Variants in DYNC2H1 observed in about 807,000 individuals in gnomAD.
DYNC2H1 encodes cytoplasmic dynein 2 heavy chain 1.
DYNC2H1 carries 410 observed loss-of-function variants against 570.0 expected under a neutral mutation model. The observed-to-expected ratio is 0.72, with a 90% CI of 0.66 to 0.78. The LOEUF (loss-of-function observed/expected upper bound fraction) is 0.78, where lower values mean the gene tolerates loss of function less well. DYNC2H1 is among the 30% of genes least tolerant of loss of function. The pLI is 0.00. For synonymous variants in DYNC2H1, 1,688 were observed against 1,677.6 expected, an observed-to-expected ratio of 1.01 and a Z score of -0.15; for missense variants, 4,865 against 5,046.4, an observed-to-expected ratio of 0.96 and a Z score of 1.09.
At chr11:103,364,238 A>G (rs1940788139) in intron 83 of DYNC2H1, among the ~76,000 whole-genome samples, 1 of 152,172 alleles carries the variant, frequency 6.6e-6, no homozygotes, top group South Asian at 2.1e-4. Context: ...ATCTTAATAA[A>G]TTATGAGCAA....
chr11:103,285,478 A>G (rs922619761), intron 73 of DYNC2H1, among the ~76,000 whole-genome samples: 2 of 142,610 alleles, frequency 1.4e-5, no homozygotes, highest in African/African-American at 2.6e-5. Flanking sequence ...GCTGGAGTGC[A>G]GTGGCGTGAT....
intron 78 of DYNC2H1, among the ~76,000 whole-genome samples, chr11:103,309,019 C>G (rs1235631793): frequency 6.6e-6 from 1 of 151,916 alleles, no homozygotes; most frequent in African/African-American, 2.4e-5. Context: ...ATCCTTGTAT[C>G]TCTCTAATAT....
chr11:103,323,997 T>G lies in DYNC2H1; in HGVS notation c.12039+7T>G. ...GCGCATGATCAGTTCTCAGGTAACC[T>G]AAAAAAAAGATCTACCTTCAAAAAA... is the stretch of plus-strand genomic sequence containing the variant. On this transcript the variant is annotated splice_region_variant and intron_variant, in intron 82 of 88. Transcript: ENST00000375735. 1 of 1,564,580 alleles carries G rather than the reference T, an allele frequency of 6.4e-7. No individual in the cohort carries two copies. Among genetic ancestry groups the G allele is most frequent in the Non-Finnish European group, 8.6e-7 (1 of 1,159,870 alleles).
intron 43 of DYNC2H1, 126 bp downstream of exon 43, chr11:103,187,712 C>A: frequency 2.6e-6 from 3 of 1,169,146 alleles, no homozygotes; most frequent in South Asian, 1.6e-5. Context: ...GGAAATTAAA[C>A]TCCTGAAACA....
At chr11:103,374,841 G>A (rs1214511284) in intron 83 of DYNC2H1, among the ~76,000 whole-genome samples, 1 of 152,200 alleles carries the variant, frequency 6.6e-6, no homozygotes, top group Admixed American at 6.5e-5. Flanking sequence ...GTCTGACGAT[G>A]CAGTAGAAAA....
intron 36 of DYNC2H1, among the ~76,000 whole-genome samples, chr11:103,175,565 A>G (rs1861767385): frequency 1.3e-5 from 2 of 152,186 alleles, no homozygotes; most frequent in African/African-American, 2.4e-5. Context: ...GACTTTATGT[A>G]TCTTACCAAT....
At chr11:103,290,702 C>T (rs1425801650) in intron 75 of DYNC2H1, among the ~76,000 whole-genome samples, 1 of 152,102 alleles carries the variant, frequency 6.6e-6, no homozygotes. Context: ...CTCTCTGTTT[C>T]TCCCTTTTTC....
chr11:103,147,834 T>C lies in DYNC2H1; in HGVS notation c.2765T>C (p.Leu922Pro). Reference sequence around the variant, plus strand: ...CCTGTGAAGACTGTGATTGATGATCTCATCCAGAAGTTATTTGATCTGCTT... The same window carrying C: ...CCTGTGAAGACTGTGATTGATGATCCCATCCAGAAGTTATTTGATCTGCTT... The part of the protein sequence containing the change: ...CNPVKTVIDD[L>P]IQKLFDLLVL... The change falls in exon 19 of 89, where the codon CTC becomes CCC. Residue 922 changes from leucine (L) to proline (P), a missense_variant. Leu to Pro is a moderately conservative substitution (Grantham distance 98). This residue lies in a region of DYNC2H1 where 1,936 missense variants were observed against 1,962.1 expected (regional missense o/e 0.99). Transcript: ENST00000375735. 6.2e-7 allele frequency: 1 copy of C among 1,612,112 alleles called. No homozygotes were observed. The highest frequency in any genetic ancestry group is 8.5e-7 in the Non-Finnish European group (1 of 1,179,252).
intron 84 of DYNC2H1, among the ~76,000 whole-genome samples, chr11:103,425,293 G>A (rs1417812892): frequency 6.6e-6 from 1 of 152,092 alleles, no homozygotes; most frequent in Admixed American, 6.6e-5. Flanking sequence ...TAGACTGGGT[G>A]GCTTAAACAT....
At chr11:103,429,519 G>T (rs1204020758) in intron 84 of DYNC2H1, among the ~76,000 whole-genome samples, 1 of 152,032 alleles carries the variant, frequency 6.6e-6, no homozygotes, top group Non-Finnish European at 1.5e-5. Context: ...CTGAACAAAG[G>T]TCTTGTTAAG....
chr11:103,267,192 C>A (rs1191232505), intron 70 of DYNC2H1, among the ~76,000 whole-genome samples: 2 of 152,038 alleles, frequency 1.3e-5, no homozygotes, highest in African/African-American at 2.4e-5. Context: ...GGGCCAGGAA[C>A]AAGTCCAGGT....
intron 83 of DYNC2H1, among the ~76,000 whole-genome samples, chr11:103,367,210 T>C (rs1302977988): frequency 6.6e-6 from 1 of 152,102 alleles, no homozygotes; most frequent in African/African-American, 2.4e-5. Flanking sequence ...GTGTGTATAC[T>C]GCTTTATCAG....
Position 103,176,443 on chromosome 11 carries a change from C to T in DYNC2H1, c.5874+9C>T. On this transcript the variant is annotated intron_variant, in intron 37 of 88. Coordinates refer to ENST00000375735, the MANE Select transcript of DYNC2H1 (RefSeq NM_001377.3). ...AAATTATACCCAATCAGGTAACTGT[C>T]AAGAATATTTTATAATAGATTGATC... 1 of 1,490,520 alleles carries T rather than the reference C, an allele frequency of 6.7e-7. No individual in the cohort carries two copies. The highest frequency in any genetic ancestry group is 8.9e-7 in the Non-Finnish European group (1 of 1,124,428). 92.3% of individuals were successfully genotyped at this position (1,490,520 alleles called of 1,614,324 possible).
chr11:103,430,637 C>G (rs1943852819), intron 84 of DYNC2H1, among the ~76,000 whole-genome samples: 2 of 152,038 alleles, frequency 1.3e-5, no homozygotes, highest in Non-Finnish European at 2.9e-5. Flanking sequence ...AATTTAAATT[C>G]CTTAGTATAA....
chr11:103,113,789 T>A, intron 2 of DYNC2H1, 82 bp downstream of exon 2: 1 of 1,098,962 alleles, frequency 9.1e-7, no homozygotes, highest in Non-Finnish European at 1.2e-6. Context: ...TATTTTTTAC[T>A]GTTAATGTTA....
rs577811434 is a variant in DYNC2H1 at position 103,328,357 on chromosome 11, A to G, written c.12039+4367A>G. 3.2e-4 allele frequency among the ~76,000 whole-genome samples: 49 copies of G among 152,330 alleles called. No homozygotes were observed. The Middle Eastern group carries it at 0.01, about 32-fold the overall frequency. On this transcript the variant is annotated intron_variant, in intron 82 of 88. Transcript: ENST00000375735. ...TATTTTTCAAATTATAAAGATGTAT[A>G]TGCAACTGAACTAATAGAATTTATA...
intron 75 of DYNC2H1, among the ~76,000 whole-genome samples, chr11:103,302,712 T>A (rs1269247978): frequency 6.6e-6 from 1 of 152,090 alleles, no homozygotes; most frequent in East Asian, 1.9e-4. Flanking sequence ...TGTATTGTAC[T>A]AATGAGATAT....
intron 48 of DYNC2H1, among the ~76,000 whole-genome samples, chr11:103,198,778 T>G (rs1404092698): frequency 6.6e-6 from 1 of 152,092 alleles, no homozygotes; most frequent in Non-Finnish European, 1.5e-5. Flanking sequence ...CAGAGCATGG[T>G]ACCTGTGTTA....
In DYNC2H1 at chr11:103,199,366, G is replaced by T; in HGVS notation, c.7978G>T (p.Gly2660Cys). 6.2e-7 allele frequency: 1 copy of T among 1,612,572 alleles called. No individual in the cohort carries two copies. Among genetic ancestry groups the T allele is most frequent in the Non-Finnish European group, 8.5e-7 (1 of 1,179,674 alleles). Residue 2660 changes from glycine (G) to cysteine (C), a missense_variant, in exon 49 of 89, where the codon GGT (glycine) becomes TGT (cysteine). Gly to Cys is a radical substitution (Grantham distance 159). Coordinates refer to ENST00000375735, the MANE Select transcript of DYNC2H1 (RefSeq NM_001377.3). The surrounding 1 kb of genome is among the most constrained non-coding windows in gnomAD (Gnocchi z 4.6). Reference protein sequence around the residue: ...SLLLAGRSGVGRRTITSLVSH... With the variant: ...SLLLAGRSGVCRRTITSLVSH... ...TCTATTAGCAGGACGCAGTGGTGTA[G>T]GTCGTCGGACCATCACTTCTTTAGT...
Sources: gnomAD v4.1 joint callset for allele counts (sites outside exome capture counted in the v4.1 genomes callset) on GRCh38, gnomAD v4.1.1 for gene constraint, gnomAD v4.1.1 regional missense constraint, Gnocchi (gnomAD v3.1) non-coding constraint, MANE v1.5 for transcripts, NCBI Gene and HGNC (gene_info 2026-07-23, HGNC 2026-07-21) for gene names.